The following KALRN variants were observed in gnomAD, a reference collection of about 807,000 sequenced individuals.
KALRN encodes the protein kalirin.
In KALRN, 70 loss-of-function variants were observed where a neutral mutation model predicts 353.7. The ratio of observed to expected loss-of-function variants is 0.20; its 90% confidence interval spans 0.16 to 0.24. The LOEUF (loss-of-function observed/expected upper bound fraction) is 0.24. Ranked by LOEUF, KALRN falls within the 10% of genes least tolerant of loss-of-function variation. The pLI is 1.00. For missense variants in KALRN, 2,791 were observed against 3,756.7 expected (o/e 0.74, Z 6.72); for synonymous variants, 1,391 against 1,434.8 (o/e 0.97, Z 0.69).
Position 124,033,610 on chromosome 3 carries a change from C to G in KALRN, c.-131C>G, listed in dbSNP as rs1310342058. ...AGCCCCGCCGCCCAACGCCCGCCCT[C>G]GAAGCTCCGCGGCCGCCAGCTCTGC... On this transcript the variant is annotated 5_prime_UTR_variant, in exon 1 of 60. Transcript: ENST00000682506. This position sits in a 1 kb window ranked among gnomAD's most constrained non-coding sequence, Gnocchi z 6.2. Among the ~76,000 whole-genome samples, 1 of 151,512 alleles carries G rather than the reference C, an allele frequency of 6.6e-6. No homozygotes were observed. Among genetic ancestry groups the G allele is most frequent in the African/African-American group, 2.4e-5 (1 of 41,336 alleles).
intron 9 of KALRN, among the ~76,000 whole-genome samples, chr3:124,338,674 C>G (rs2149490214): frequency 6.6e-6 from 1 of 152,244 alleles, no homozygotes; most frequent in African/African-American, 2.4e-5. Flanking sequence ...GAGCTGAGTT[C>G]AAGTCATGGA....
intron 9 of KALRN, among the ~76,000 whole-genome samples, chr3:124,340,302 G>A (rs989767390): frequency 5.9e-5 from 9 of 151,940 alleles, no homozygotes; most frequent in Admixed American, 5.9e-4. Context: ...TGAGCGGATT[G>A]CCTGATCTCA....
chr3:124,529,086 G>A (rs1016144193), intron 33 of KALRN, among the ~76,000 whole-genome samples: 6 of 152,038 alleles, frequency 3.9e-5, no homozygotes, highest in African/African-American at 1.4e-4. Flanking sequence ...TATAAAATTC[G>A]TGTCAAATCA....
chr3:124,241,022 G>A (rs531326004), intron 3 of KALRN, among the ~76,000 whole-genome samples: 50 of 152,246 alleles, frequency 3.3e-4, no homozygotes, highest in African/African-American at 1.1e-3. Context: ...GGGACTAGAT[G>A]CAGTGTATGT....
intron 1 of KALRN, among the ~76,000 whole-genome samples, chr3:124,092,396 G>A (rs1266322940): frequency 6.6e-6 from 1 of 152,176 alleles, no homozygotes; most frequent in East Asian, 1.9e-4. Flanking sequence ...CCCAAGTTGT[G>A]TTAGAAAAAG....
intron 11 of KALRN, among the ~76,000 whole-genome samples, chr3:124,388,693 G>T (rs2088837526): frequency 6.6e-6 from 1 of 152,186 alleles, no homozygotes; most frequent in Non-Finnish European, 1.5e-5. Flanking sequence ...AAGAGAGGCT[G>T]GGTGGGGAAT....
At chr3:124,260,051 C>T (rs766683453) in intron 3 of KALRN, among the ~76,000 whole-genome samples, 2 of 152,140 alleles carry the variant, frequency 1.3e-5, no homozygotes, top group Non-Finnish European at 2.9e-5. Context: ...CTGCTCCTGC[C>T]TTGCCATATG....
intron 33 of KALRN, among the ~76,000 whole-genome samples, chr3:124,540,704 T>C (rs528922274): frequency 2.4e-3 from 372 of 152,334 alleles, no homozygotes; most frequent in Non-Finnish European, 4.4e-3. Context: ...CCAGAACTCT[T>C]GACATTGTAT....
chr3:124,312,955 T>G (rs139752488), intron 6 of KALRN, among the ~76,000 whole-genome samples: 9 of 152,146 alleles, frequency 5.9e-5, no homozygotes, highest in Non-Finnish European at 8.8e-5. Context: ...AACTATGATG[T>G]TAAGCATTTC....
At chr3:124,708,597 G>A (rs1290741678) in intron 57 of KALRN, among the ~76,000 whole-genome samples, 1 of 152,058 alleles carries the variant, frequency 6.6e-6, no homozygotes, top group Non-Finnish European at 1.5e-5. Flanking sequence ...GAGAAAAAAT[G>A]TTTTACAAAT....
intron 1 of KALRN, among the ~76,000 whole-genome samples, chr3:124,213,956 AC>A (rs995352632): frequency 2.0e-5 from 3 of 152,188 alleles, no homozygotes; most frequent in African/African-American, 7.2e-5. Context: ...TAATTATTAA[AC>A]TTTTTAAGTG....
chr3:124,483,736 G>C (rs749989597), intron 28 of KALRN, among the ~76,000 whole-genome samples: 1 of 152,186 alleles, frequency 6.6e-6, no homozygotes, highest in Non-Finnish European at 1.5e-5. Flanking sequence ...TCTTATATCT[G>C]TAGGTTCTCG....
rs2093851508 is a variant in KALRN, at chr3:124,446,704, C to T, written c.3430-59C>T. ...AACAATAACCTTCATTGTAGTATGGCATGTTTTCCTACTGACAGCTGCCTT... is the reference window on the plus strand; with the variant it reads ...AACAATAACCTTCATTGTAGTATGGTATGTTTTCCTACTGACAGCTGCCTT... On this transcript the variant is annotated intron_variant, in intron 20 of 59. Transcript: ENST00000682506. 7 of 1,603,858 alleles carry T rather than the reference C, an allele frequency of 4.4e-6. No homozygotes were observed. In the Admixed American group the frequency reaches 1.0e-4, roughly 23 times the overall value.
At chr3:124,267,950 C>T (rs2073753294) in intron 4 of KALRN, among the ~76,000 whole-genome samples, 1 of 152,146 alleles carries the variant, frequency 6.6e-6, no homozygotes, top group South Asian at 2.1e-4. Context: ...AATAGCTTGC[C>T]CTGGGTCACA....
chr3:124,518,213 T>A (rs2066839659), intron 33 of KALRN, among the ~76,000 whole-genome samples: 1 of 151,844 alleles, frequency 6.6e-6, no homozygotes, highest in Admixed American at 6.6e-5. Context: ...TTACACACAC[T>A]GTTTCCTCTA....
At chr3:124,379,825 C>G (rs2087090154) in intron 10 of KALRN, among the ~76,000 whole-genome samples, 1 of 152,198 alleles carries the variant, frequency 6.6e-6, no homozygotes, top group Non-Finnish European at 1.5e-5. Context: ...AGAGATTTGT[C>G]AGCTGTAAAG....
intron 33 of KALRN, among the ~76,000 whole-genome samples, chr3:124,562,499 GC>G (rs761231639): frequency 1.5e-4 from 23 of 152,130 alleles, no homozygotes; most frequent in Non-Finnish European, 2.6e-4. Context: ...ATTAGCTGAA[GC>G]TTGGCAAAGG....
rs545053639 is a variant in KALRN, at chr3:124,374,709, C to A, written c.1771-10136C>A. ...GCCAACTGTCTTGTCTCTCCAAAGC[C>A]CAGTCTTCTCTCTCTGACACCCACT... On this transcript the variant is annotated intron_variant, in intron 10 of 59. Transcript: ENST00000682506. Among the ~76,000 whole-genome samples the A allele has an allele frequency of 2.0e-4, 30 of 152,318 alleles. No individual in the cohort carries two copies. In the South Asian group the frequency reaches 5.4e-3, roughly 27 times the overall value.
intron 6 of KALRN, among the ~76,000 whole-genome samples, chr3:124,322,975 A>G (rs557023928): frequency 6.6e-6 from 1 of 152,216 alleles, no homozygotes; most frequent in Non-Finnish European, 1.5e-5. Flanking sequence ...GAGCAAATTC[A>G]TAAGTCAACA....
Sources: gnomAD v4.1 joint callset for allele counts (sites outside exome capture counted in the v4.1 genomes callset) on GRCh38, gnomAD v4.1.1 for gene constraint, Gnocchi (gnomAD v3.1) non-coding constraint, MANE v1.5 for transcripts, NCBI Gene and HGNC (gene_info 2026-07-23, HGNC 2026-07-21) for gene names.